The following NRXN3 variants were observed in gnomAD, a reference collection of about 807,000 sequenced individuals.
NRXN3 encodes neurexin III.
In NRXN3, 32 loss-of-function variants were observed where a neutral mutation model predicts 137.6. That is an observed-to-expected ratio of 0.23 (90% CI 0.18 to 0.31). NRXN3 has a LOEUF of 0.31. NRXN3 is among the 10% of genes least tolerant of loss of function. The pLI is 1.00. For synonymous variants in NRXN3, 798 were observed against 784.5 expected (o/e 1.02, Z -0.29); for missense variants, 1,574 against 2,062.5 (o/e 0.76, Z 4.59).
intron 15 of NRXN3, among the ~76,000 whole-genome samples, chr14:79,132,809 G>T (rs2057727793): frequency 6.6e-6 from 1 of 152,196 alleles, no homozygotes; most frequent in Non-Finnish European, 1.5e-5. Flanking sequence ...AAGGAAGTAG[G>T]ATTGAGCAGA....
At chr14:79,494,541 A>G (rs2096748272) in intron 16 of NRXN3, among the ~76,000 whole-genome samples, 2 of 152,186 alleles carry the variant, frequency 1.3e-5, no homozygotes, top group African/African-American at 4.8e-5. Context: ...TCTTTTATGC[A>G]AGGGACCAAA....
chr14:78,251,990 C>T (rs1438641712), intron 2 of NRXN3, among the ~76,000 whole-genome samples: 1 of 151,948 alleles, frequency 6.6e-6, no homozygotes, highest in African/African-American at 2.4e-5. Flanking sequence ...ACTGACATTG[C>T]CAGTGGGTTG....
chr14:78,934,315 A>T (rs1271976946), intron 10 of NRXN3, among the ~76,000 whole-genome samples: 1 of 152,172 alleles, frequency 6.6e-6, no homozygotes, highest in Non-Finnish European at 1.5e-5. Context: ...GAGCTTTCCA[A>T]ACTTTCATTA....
intron 4 of NRXN3, 149 bp from the exon 5 acceptor site, chr14:78,644,971 A>G: frequency 1.6e-6 from 1 of 640,708 alleles, no homozygotes; most frequent in Non-Finnish European, 2.5e-6. Context: ...GTTTCGATAT[A>G]GGACTTGCAG....
chr14:78,988,894 C>G (rs1050680271), intron 15 of NRXN3, among the ~76,000 whole-genome samples: 1 of 152,108 alleles, frequency 6.6e-6, no homozygotes, highest in African/African-American at 2.4e-5. Flanking sequence ...ATTGTGTCCA[C>G]TAGTGATGCT....
chr14:79,274,536 A>G (rs532829448), intron 15 of NRXN3, among the ~76,000 whole-genome samples: 33 of 152,022 alleles, frequency 2.2e-4, no homozygotes, highest in African/African-American at 8.0e-4. Context: ...CTGATATCCA[A>G]TCTAAGCTTA....
intron 6 of NRXN3, among the ~76,000 whole-genome samples, chr14:78,687,132 G>A (rs1454559246): frequency 6.6e-6 from 1 of 152,156 alleles, no homozygotes; most frequent in Non-Finnish European, 1.5e-5. Flanking sequence ...TCAGGTGCTT[G>A]TTGAATTCAA....
intron 8 of NRXN3, among the ~76,000 whole-genome samples, chr14:78,774,665 C>G (rs909553789): frequency 1.3e-5 from 2 of 152,150 alleles, no homozygotes; most frequent in Non-Finnish European, 2.9e-5. Context: ...CCCCTATAAT[C>G]CCAGCACTTT....
chr14:79,457,803 C>T (rs184142427), intron 15 of NRXN3, among the ~76,000 whole-genome samples: 1 of 152,098 alleles, frequency 6.6e-6, no homozygotes, highest in Admixed American at 6.5e-5. Flanking sequence ...CTTAGCTACC[C>T]CTTCATTGTT....
intron 19 of NRXN3, among the ~76,000 whole-genome samples, chr14:79,768,275 C>T (rs1025548350): frequency 6.6e-5 from 10 of 152,244 alleles, no homozygotes; most frequent in African/African-American, 2.2e-4. Flanking sequence ...CCCACCACAG[C>T]TCAAGGAGGC....
intron 19 of NRXN3, among the ~76,000 whole-genome samples, chr14:79,748,005 G>A (rs914389890): frequency 1.5e-4 from 23 of 151,880 alleles, no homozygotes; most frequent in Middle Eastern, 3.2e-3. Context: ...AGCTGAACAC[G>A]TAGACATGGG....
At chr14:78,854,212 A>G (rs2099050521) in intron 10 of NRXN3, among the ~76,000 whole-genome samples, 1 of 152,182 alleles carries the variant, frequency 6.6e-6, no homozygotes, top group South Asian at 2.1e-4. Context: ...AATTTTTAGT[A>G]GCTGTCATCC....
In NRXN3 at chr14:78,715,157, A is replaced by G. The variant is rs200110366; in HGVS notation, c.2044+18A>G. 76 of 1,595,804 alleles carry G rather than the reference A, an allele frequency of 4.8e-5. No homozygotes were observed. The African/African-American group carries it at 8.8e-4, about 19-fold the overall frequency. Reference sequence around the variant, plus strand: ...CGAAAGGGGTGAGTCGGCCTAGAGGATGGCAAGTGAGGGCCTGAGTGGGGC... The same window carrying G: ...CGAAAGGGGTGAGTCGGCCTAGAGGGTGGCAAGTGAGGGCCTGAGTGGGGC... On this transcript the variant is annotated intron_variant, in intron 8 of 20. Transcript: ENST00000335750.
intron 19 of NRXN3, among the ~76,000 whole-genome samples, chr14:79,712,189 T>G (rs531838308): frequency 6.6e-6 from 1 of 152,332 alleles, no homozygotes; most frequent in South Asian, 2.1e-4. Context: ...TTATATCCTT[T>G]TCAGACATTT....
chr14:78,861,875 T>C lies in NRXN3; in HGVS notation c.2275+51531T>C, dbSNP rs569959559. On this transcript the variant is annotated intron_variant, in intron 10 of 20. Transcript: ENST00000335750. ...TAGTTTCCCATTTCCTTATTTCTTC[T>C]AGGTGACATAGTTGCTTCTCCATCT... Among the ~76,000 whole-genome samples the C allele has an allele frequency of 4.6e-5, 7 of 152,274 alleles. No individual in the cohort carries two copies. The South Asian group carries it at 1.4e-3, about 32-fold the overall frequency.
intron 4 of NRXN3, among the ~76,000 whole-genome samples, chr14:78,594,973 C>T (rs74064316): frequency 0.011 from 1,652 of 152,252 alleles, 28 homozygotes; most frequent in African/African-American, 0.038. Context: ...GGACTCTTTA[C>T]GGCAGTTCTG....
At chr14:78,639,910 G>T (rs1031429282) in intron 4 of NRXN3, among the ~76,000 whole-genome samples, 1 of 152,130 alleles carries the variant, frequency 6.6e-6, no homozygotes, top group Non-Finnish European at 1.5e-5. Flanking sequence ...GATTAAGAAG[G>T]CATTTGGAAA....
Position 79,226,819 on chromosome 14 carries a change from T to C in NRXN3, c.3262+238678T>C, listed in dbSNP as rs1486105895. Among the ~76,000 whole-genome samples the C allele has an allele frequency of 5.6e-5, 7 of 125,766 alleles. No homozygotes were observed. In the South Asian group the frequency reaches 7.5e-4, roughly 13 times the overall value. The allele number at this position is 125,766 out of a possible 152,430, so 82.5% of individuals were successfully genotyped here. A position where few individuals can be genotyped will look rare whatever the true frequency, so the allele number is the denominator to read the frequency against. ...TCTTTTTTCATCCTTTTTTTCTTTT[T>C]TTTTTTTTTTTTTTGAGACAGAGTC... On this transcript the variant is annotated intron_variant, in intron 15 of 20. Transcript: ENST00000335750.
At chr14:78,492,206 G>A (rs1423886146) in intron 4 of NRXN3, among the ~76,000 whole-genome samples, 1 of 152,150 alleles carries the variant, frequency 6.6e-6, no homozygotes, top group East Asian at 1.9e-4. Flanking sequence ...AGTTATCCAA[G>A]GTATAGAGTA....
Sources: gnomAD v4.1 joint callset for allele counts (sites outside exome capture counted in the v4.1 genomes callset) on GRCh38, gnomAD v4.1.1 for gene constraint, MANE v1.5 for transcripts, NCBI Gene and HGNC (gene_info 2026-07-23, HGNC 2026-07-21) for gene names.